The following CCDC170 variants were observed in gnomAD, a reference collection of about 807,000 sequenced individuals.
CCDC170 encodes the protein coiled-coil domain containing 170.
In CCDC170, 69 loss-of-function variants were observed where a neutral mutation model predicts 72.6. The ratio of observed to expected loss-of-function variants is 0.95; its 90% confidence interval spans 0.78 to 1.16. The LOEUF (loss-of-function observed/expected upper bound fraction) is 1.16. Ranked by LOEUF, CCDC170 falls within the 50% of genes most tolerant of loss-of-function variation. CCDC170 has a pLI of 0.00. For missense variants in CCDC170, 852 were observed against 832.5 expected, an observed-to-expected ratio of 1.02 and a Z score of -0.29; for synonymous variants, 300 against 303.9, an observed-to-expected ratio of 0.99 and a Z score of 0.13.
At chr6:151,500,631 A>G (rs1314920786) in intron 1 of CCDC170, among the ~76,000 whole-genome samples, 3 of 152,110 alleles carry the variant, frequency 2.0e-5, no homozygotes, top group East Asian at 3.8e-4. Context: ...TTGATTGGCT[A>G]TATTAATATT....
rs897385473 is a variant in CCDC170, at chr6:151,582,648, A to G, written c.1093-3241A>G. 4.6e-5 allele frequency among the ~76,000 whole-genome samples: 7 copies of G among 152,196 alleles called. No individual in the cohort carries two copies. In the South Asian group the frequency reaches 1.0e-3, roughly 23 times the overall value. Reference sequence around the variant, plus strand: ...TTTGGCTCATGGTTCTGCAGGCTATACAAGAAGCACAGTGCCATCTACTTC... The same window carrying G: ...TTTGGCTCATGGTTCTGCAGGCTATGCAAGAAGCACAGTGCCATCTACTTC... On this transcript the variant is annotated intron_variant, in intron 6 of 10. Coordinates refer to ENST00000239374, the MANE Select transcript of CCDC170 (RefSeq NM_025059.4).
chr6:151,588,507 TTCAGAAGATA>T (rs1452229806), intron 7 of CCDC170, among the ~76,000 whole-genome samples: 2 of 152,166 alleles, frequency 1.3e-5, no homozygotes, highest in Non-Finnish European at 2.9e-5. Context: ...ACTAGCCCAG[TTCAGAAGATA>T]ATAAAGATCT....
intron 9 of CCDC170, among the ~76,000 whole-genome samples, chr6:151,608,578 A>C (rs1341480344): frequency 1.3e-5 from 2 of 152,184 alleles, no homozygotes; most frequent in African/African-American, 4.8e-5. Flanking sequence ...GCTGTAATCA[A>C]TGTTAGCAGT....
intron 1 of CCDC170, among the ~76,000 whole-genome samples, chr6:151,527,771 A>G (rs1782433517): frequency 6.6e-6 from 1 of 152,148 alleles, no homozygotes; most frequent in Non-Finnish European, 1.5e-5. Flanking sequence ...CTGCGGTAAT[A>G]CAATTGTGCA....
intron 1 of CCDC170, among the ~76,000 whole-genome samples, chr6:151,527,817 T>C (rs1782434358): frequency 6.6e-6 from 1 of 151,918 alleles, no homozygotes. Context: ...AAAGAGTAGA[T>C]TGGTTATGGG....
At chr6:151,516,701 T>C (rs778202958) in intron 1 of CCDC170, among the ~76,000 whole-genome samples, 1 of 152,184 alleles carries the variant, frequency 6.6e-6, no homozygotes. Flanking sequence ...TGGTCAGCTC[T>C]AGACTGTACC....
At position 151,573,370 on chromosome 6, in the gene CCDC170, T is replaced by A. The variant is rs953767; in HGVS notation, c.971T>A (p.Phe324Tyr). 1.9e-6 allele frequency: 3 copies of A among 1,614,056 alleles called. No individual in the cohort carries two copies. In the East Asian group the frequency reaches 6.7e-5, roughly 36 times the overall value. Residue 324 changes from phenylalanine to tyrosine, a missense_variant, in exon 6 of 11, where the codon TTC becomes TAC. By Grantham distance (22) the Phe-to-Tyr change is conservative. Transcript: ENST00000239374. ...GTCACAACCTCACAAAGCCAGTACT[T>A]CTCATTTAGGGAGAAAATCGCAGCC... is the stretch of plus-strand genomic sequence containing the variant. ...DAVTTSQSQY[F>Y]SFREKIAALL...
intron 1 of CCDC170, among the ~76,000 whole-genome samples, chr6:151,530,344 T>G (rs1056555911): frequency 6.6e-6 from 1 of 151,602 alleles, no homozygotes; most frequent in African/African-American, 2.4e-5. Context: ...AATACTTTTC[T>G]GGAAATTTTG....
intron 5 of CCDC170, among the ~76,000 whole-genome samples, chr6:151,556,214 G>C (rs1418815604): frequency 6.6e-6 from 1 of 152,232 alleles, no homozygotes; most frequent in African/African-American, 2.4e-5. Flanking sequence ...CCAGCATTTT[G>C]GGAGGCTGAG....
chr6:151,586,882 T>A (rs1776458642), intron 7 of CCDC170, among the ~76,000 whole-genome samples: 1 of 152,076 alleles, frequency 6.6e-6, no homozygotes, highest in African/African-American at 2.4e-5. Context: ...CCTCCTGGGT[T>A]CACACCATTC....
At chr6:151,496,319 G>C (rs991537417) in intron 1 of CCDC170, among the ~76,000 whole-genome samples, 1 of 151,830 alleles carries the variant, frequency 6.6e-6, no homozygotes, top group African/African-American at 2.4e-5. Flanking sequence ...AATCATATTA[G>C]TTGAGTAATA....
intron 9 of CCDC170, among the ~76,000 whole-genome samples, chr6:151,600,718 G>A: frequency 6.6e-6 from 1 of 150,824 alleles, no homozygotes; most frequent in Non-Finnish European, 1.5e-5. Flanking sequence ...CATTTCTATG[G>A]TTTTTTTTTA....
intron 9 of CCDC170, among the ~76,000 whole-genome samples, chr6:151,606,675 T>G (rs2115133985): frequency 6.6e-6 from 1 of 152,352 alleles, no homozygotes; most frequent in South Asian, 2.1e-4. Flanking sequence ...AATTCTTTGT[T>G]GATTTTTCTG....
At chr6:151,530,681 C>T (rs563035413) in intron 1 of CCDC170, among the ~76,000 whole-genome samples, 11 of 151,964 alleles carry the variant, frequency 7.2e-5, no homozygotes, top group South Asian at 2.1e-4. Flanking sequence ...ACCTCATGAT[C>T]GGCCTAGCCT....
chr6:151,511,336 C>T (rs1782147030), intron 1 of CCDC170, among the ~76,000 whole-genome samples: 1 of 152,106 alleles, frequency 6.6e-6, no homozygotes, highest in Non-Finnish European at 1.5e-5. Context: ...TAATTAAGTT[C>T]AGCCAGGTAT....
intron 9 of CCDC170, among the ~76,000 whole-genome samples, chr6:151,610,066 C>A (rs1583050519): frequency 1.3e-5 from 2 of 152,258 alleles, no homozygotes; most frequent in African/African-American, 4.8e-5. Context: ...ATACCAATCC[C>A]AGCAATTTAC....
At chr6:151,610,885 C>A (rs535076850) in intron 9 of CCDC170, among the ~76,000 whole-genome samples, 137 of 152,262 alleles carry the variant, frequency 9.0e-4, no homozygotes, top group African/African-American at 3.2e-3. Context: ...GTTCTTATGC[C>A]TTCTTGATTG....
intron 1 of CCDC170, among the ~76,000 whole-genome samples, chr6:151,529,126 A>G (rs1782455056): frequency 6.6e-6 from 1 of 152,164 alleles, no homozygotes; most frequent in South Asian, 2.1e-4. Flanking sequence ...TTTATAGACA[A>G]AAACACAATA....
At chr6:151,586,664 G>C (rs1480731310) in intron 7 of CCDC170, among the ~76,000 whole-genome samples, 2 of 151,476 alleles carry the variant, frequency 1.3e-5, no homozygotes, top group Non-Finnish European at 1.5e-5. Flanking sequence ...CGGTGGATCT[G>C]TGGCAAGAGA....
Sources: allele counts gnomAD v4.1 joint callset (sites outside exome capture counted in the v4.1 genomes callset), GRCh38; gene constraint gnomAD v4.1.1; transcripts MANE v1.5; gene names NCBI Gene and HGNC (gene_info 2026-07-23, HGNC 2026-07-21).